Variants in PARD3B observed in about 807,000 individuals in gnomAD.
The protein encoded by PARD3B is partitioning defective 3 homolog B.
A neutral mutation model predicts 130.2 loss-of-function variants in PARD3B; 103 were observed. The ratio of observed to expected loss-of-function variants is 0.79; its 90% CI spans 0.67 to 0.93. PARD3B has a LOEUF of 0.93. PARD3B is among the 40% of genes least tolerant of loss of function. The probability of loss-of-function intolerance (pLI) is 0.00; values close to 1 mark genes in which losing one functional copy is unlikely to be tolerated. For missense variants in PARD3B, 1,609 were observed against 1,499.2 expected (o/e 1.07, Z -1.21); for synonymous variants, 583 against 553.2 (o/e 1.05, Z -0.76).
chr2:205,565,910 CAAAAAAA>C (rs78064685), intron 22 of PARD3B, among the ~76,000 whole-genome samples: 1 of 63,682 alleles, frequency 1.6e-5, no homozygotes, highest in Admixed American at 1.7e-4. Flanking sequence ...CTGCCCATTA[CAAAAAAA>C]AAAAAAAAAA....
intron 10 of PARD3B, among the ~76,000 whole-genome samples, chr2:205,140,918 G>A (rs575520394): frequency 6.6e-6 from 1 of 152,244 alleles, no homozygotes; most frequent in South Asian, 2.1e-4. Flanking sequence ...TAGGCCACTA[G>A]TTTTGCATTG....
At chr2:204,672,985 A>G (rs1384671371) in intron 1 of PARD3B, among the ~76,000 whole-genome samples, 1 of 152,218 alleles carries the variant, frequency 6.6e-6, no homozygotes, top group African/African-American at 2.4e-5. Flanking sequence ...ATATGTATGT[A>G]TATGTATGCC....
chr2:204,839,961 A>G (rs1575109995), intron 2 of PARD3B, among the ~76,000 whole-genome samples: 1 of 152,262 alleles, frequency 6.6e-6, no homozygotes, highest in African/African-American at 2.4e-5. Flanking sequence ...TATAATTAAT[A>G]TATCTTTCTT....
intron 18 of PARD3B, among the ~76,000 whole-genome samples, chr2:205,384,457 G>A (rs965422676): frequency 1.3e-5 from 2 of 152,068 alleles, no homozygotes; most frequent in Admixed American, 1.3e-4. Context: ...GGGATTTTGT[G>A]TCTTTGACTA....
At chr2:205,178,143 T>TAAAAAAAAAAAAAAAA (rs58267787) in intron 13 of PARD3B, among the ~76,000 whole-genome samples, 1 of 20,786 alleles carries the variant, frequency 4.8e-5, no homozygotes, top group Non-Finnish European at 7.8e-5. Context: ...CCATCTGTAC[T>TAAAAAAAAAAAAAAAA]AAAAAAAAAA....
At chr2:205,037,632 T>C (rs939413955) in intron 3 of PARD3B, among the ~76,000 whole-genome samples, 2 of 148,252 alleles carry the variant, frequency 1.3e-5, no homozygotes, top group Non-Finnish European at 3.0e-5. Flanking sequence ...TAGTCGACTG[T>C]ATAAAATATG....
intron 5 of PARD3B, among the ~76,000 whole-genome samples, chr2:205,104,882 G>A (rs74822352): frequency 0.02 from 2,991 of 152,200 alleles, 89 homozygotes; most frequent in African/African-American, 0.068. Context: ...GACCACCGGG[G>A]AACCCTAAAT....
chr2:205,548,935 A>C (rs1197062252), intron 21 of PARD3B, among the ~76,000 whole-genome samples: 1 of 152,190 alleles, frequency 6.6e-6, no homozygotes, highest in Non-Finnish European at 1.5e-5. Flanking sequence ...AACAACCTAA[A>C]TAAAAAAATG....
At chr2:205,509,419 G>A (rs1048212379) in intron 21 of PARD3B, among the ~76,000 whole-genome samples, 1 of 151,898 alleles carries the variant, frequency 6.6e-6, no homozygotes, top group Admixed American at 6.6e-5. Flanking sequence ...CGGTCTTTAA[G>A]TCTGTTGCTC....
intron 15 of PARD3B, among the ~76,000 whole-genome samples, chr2:205,193,844 G>A (rs1395313397): frequency 6.6e-6 from 1 of 152,176 alleles, no homozygotes; most frequent in Non-Finnish European, 1.5e-5. Flanking sequence ...TGACACTGGA[G>A]GGGAAAAGGG....
rs375413795 is a variant in PARD3B, at chr2:204,686,196, G to T, written c.136G>T (p.Val46Leu). The part of the protein sequence containing the change: ...KTREKGPGYW[V>L]KIHHLEYTDG... ...TCTACTATAGGGTCCTGGTTACTGG[G>T]TGAAGATTCATCACTTAGAATATAC... Residue 46 changes from valine to leucine, a missense_variant, in exon 2 of 23, where the codon GTG (valine) becomes TTG (leucine). By Grantham distance (32) the Val-to-Leu change is conservative (BLOSUM62 1). Coordinates refer to ENST00000406610, the MANE Select transcript of PARD3B (RefSeq NM_001302769.2). 1 of 1,610,270 alleles carries T rather than the reference G, an allele frequency of 6.2e-7. No homozygotes were observed.
chr2:205,057,603 ATGTG>A lies in PARD3B; in HGVS notation c.504+9915_504+9918del, dbSNP rs78854040. Among the ~76,000 whole-genome samples the A allele has an allele frequency of 2.4e-4, 14 of 57,884 alleles. 1 individual carries two copies. The highest frequency in any genetic ancestry group is 2.1e-3 in the Admixed American group (10 of 4,870). The allele number at this position is 57,884 out of a possible 152,430, so 38.0% of individuals were successfully genotyped here. A position where few individuals can be genotyped will look rare whatever the true frequency, so the allele number is the denominator to read the frequency against. On this transcript the variant is annotated intron_variant, in intron 4 of 22. Coordinates refer to ENST00000406610, the MANE Select transcript of PARD3B (RefSeq NM_001302769.2). ...TATGTGTATACGTATATATACATAT[ATGTG>A]TATGTGTATGTGTATACGTATATAT...
At position 205,142,672 on chromosome 2, in the gene PARD3B, G is replaced by A. The variant is rs956921553; in HGVS notation, c.1435-16050G>A. 6.6e-6 allele frequency among the ~76,000 whole-genome samples: 1 copy of A among 152,088 alleles called. No homozygotes were observed. Among genetic ancestry groups the A allele is most frequent in the Non-Finnish European group, 1.5e-5 (1 of 68,018 alleles). On this transcript the variant is annotated intron_variant, in intron 10 of 22. Coordinates refer to ENST00000406610, the MANE Select transcript of PARD3B (RefSeq NM_001302769.2). The surrounding 1 kb of genome is among the most constrained non-coding windows in gnomAD (Gnocchi z 4.3). ...AGGTGGGCGGATCAAGAGGTCAGGA[G>A]TTTGAGACCAACCTGGTCAACATGG... is the stretch of plus-strand genomic sequence containing the variant.
chr2:205,320,857 A>G (rs892242150), intron 18 of PARD3B, among the ~76,000 whole-genome samples: 3 of 152,154 alleles, frequency 2.0e-5, no homozygotes, highest in Admixed American at 2.0e-4. Flanking sequence ...TTGTTCCTTT[A>G]TTTTGCTGAT....
At chr2:205,360,022 C>A (rs1207620918) in intron 18 of PARD3B, among the ~76,000 whole-genome samples, 1 of 152,194 alleles carries the variant, frequency 6.6e-6, no homozygotes, top group East Asian at 1.9e-4. Flanking sequence ...ATTTCTATCA[C>A]CAATGCACAA....
chr2:204,983,405 G>A (rs1692854497), intron 3 of PARD3B, among the ~76,000 whole-genome samples: 1 of 144,142 alleles, frequency 6.9e-6, no homozygotes, highest in Non-Finnish European at 1.5e-5. Context: ...GCTGTGGGGG[G>A]AGTCGGGAGA....
chr2:205,113,488 C>G lies in PARD3B; in HGVS notation c.594-3C>G. ...TTTGTGCTCTTGTTTTTTTCTGCCCCAGTGATATGACAAGAACAGTGGAGA... is the reference window on the plus strand; with the variant it reads ...TTTGTGCTCTTGTTTTTTTCTGCCCGAGTGATATGACAAGAACAGTGGAGA... On this transcript the variant is annotated splice_region_variant and splice_polypyrimidine_tract_variant and intron_variant, in intron 5 of 22. Coordinates refer to ENST00000406610, the MANE Select transcript of PARD3B (RefSeq NM_001302769.2). The G allele has an allele frequency of 5.0e-6, 8 of 1,609,930 alleles. No homozygotes were observed. The highest frequency in any genetic ancestry group is 6.8e-6 in the Non-Finnish European group (8 of 1,177,828).
chr2:204,760,700 CT>C (rs2040863459), intron 2 of PARD3B, among the ~76,000 whole-genome samples: 1 of 152,022 alleles, frequency 6.6e-6, no homozygotes, highest in African/African-American at 2.4e-5. Context: ...GCTCTATGTT[CT>C]TTAGAGTTTG....
At chr2:205,193,343 C>T in intron 15 of PARD3B, 23 bp downstream of exon 15, 1 of 1,503,864 alleles carries the variant, frequency 6.6e-7, no homozygotes. Context: ...GAGGTGACAT[C>T]CAGGTCAGCT....
Sources: allele counts gnomAD v4.1 joint callset (sites outside exome capture counted in the v4.1 genomes callset), GRCh38; gene constraint gnomAD v4.1.1; non-coding constraint Gnocchi (gnomAD v3.1); transcripts MANE v1.5; gene names NCBI Gene and HGNC (gene_info 2026-07-23, HGNC 2026-07-21).